Variants in GALNT13 observed in about 807,000 individuals in gnomAD.
GALNT13 encodes UDP-GalNAc:polypeptide N-acetylgalactosaminyltransferase 13.
In GALNT13, 28 loss-of-function variants were observed where a neutral mutation model predicts 64.2. The ratio of observed to expected loss-of-function variants is 0.44; its 90% CI spans 0.32 to 0.60. The LOEUF (loss-of-function observed/expected upper bound fraction) is 0.60. GALNT13 is among the 20% of genes least tolerant of loss of function. GALNT13 has a pLI of 0.05. For synonymous variants in GALNT13, 214 were observed against 224.6 expected (o/e 0.95, Z 0.42); for missense variants, 577 against 669.8 (o/e 0.86, Z 1.53).
At chr2:153,988,221 G>A (rs7584713) in intron 3 of GALNT13, among the ~76,000 whole-genome samples, 27,943 of 151,560 alleles carry the variant, frequency 0.18, 4,769 homozygotes, top group East Asian at 0.76. Flanking sequence ...TATACTGTAC[G>A]TTGTCATTGA....
chr2:153,294,677 G>T, the GALNT13 span, among the ~76,000 whole-genome samples: 10 of 152,144 alleles, frequency 6.6e-5, no homozygotes, highest in African/African-American at 2.4e-4. Flanking sequence ...GATATTTTCT[G>T]TTGGTGGATG....
chr2:153,795,338 G>A, the GALNT13 span, among the ~76,000 whole-genome samples: 1 of 152,234 alleles, frequency 6.6e-6, no homozygotes, highest in South Asian at 2.1e-4. Flanking sequence ...CCTTGACTAA[G>A]GTAGTGGAAA....
intron 3 of GALNT13, among the ~76,000 whole-genome samples, chr2:153,985,966 CTT>C (rs1694770144): frequency 6.6e-6 from 1 of 151,996 alleles, no homozygotes; most frequent in Non-Finnish European, 1.5e-5. Flanking sequence ...CACTTTTGTC[CTT>C]TTGTGGTAGT....
At chr2:153,442,780 G>C in the GALNT13 span, among the ~76,000 whole-genome samples, 1 of 152,156 alleles carries the variant, frequency 6.6e-6, no homozygotes, top group Non-Finnish European at 1.5e-5. Context: ...TCTGACTACA[G>C]CGGTTTTGCT....
At chr2:154,145,094 ATCTATC>A (rs1404991909) in intron 4 of GALNT13, among the ~76,000 whole-genome samples, 3,785 of 124,278 alleles carry the variant, frequency 0.03, 83 homozygotes, top group South Asian at 0.076. Flanking sequence ...CTATCTATCT[ATCTATC>A]TATATATATA....
At chr2:153,549,777 A>G in the GALNT13 span, among the ~76,000 whole-genome samples, 1 of 146,234 alleles carries the variant, frequency 6.8e-6, no homozygotes, top group Non-Finnish European at 1.5e-5. Context: ...GTAAGGTCCT[A>G]TTTAGTGGAC....
the GALNT13 span, among the ~76,000 whole-genome samples, chr2:153,245,238 G>A: frequency 2.6e-5 from 4 of 152,252 alleles, no homozygotes; most frequent in South Asian, 2.1e-4. Flanking sequence ...TCTGAAGAGA[G>A]CAGCTGATCC....
the GALNT13 span, among the ~76,000 whole-genome samples, chr2:153,093,145 G>C: frequency 5.3e-5 from 8 of 151,162 alleles, no homozygotes; most frequent in Admixed American, 4.6e-4. Context: ...CTTGTATAGT[G>C]TACCACATTG....
the GALNT13 span, among the ~76,000 whole-genome samples, chr2:153,684,876 C>T: frequency 6.6e-6 from 1 of 151,794 alleles, no homozygotes; most frequent in Non-Finnish European, 1.5e-5. Context: ...CATAATTTGG[C>T]TCCCAATTGT....
intron 3 of GALNT13, among the ~76,000 whole-genome samples, chr2:153,958,131 G>A (rs1464779992): frequency 6.6e-6 from 1 of 152,216 alleles, no homozygotes; most frequent in African/African-American, 2.4e-5. Flanking sequence ...GGGGCAGCAA[G>A]GGGTATAGGC....
intron 3 of GALNT13, among the ~76,000 whole-genome samples, chr2:154,097,654 G>A (rs13008698): frequency 0.24 from 35,941 of 151,378 alleles, 4,611 homozygotes; most frequent in Non-Finnish European, 0.28. Context: ...ATAACCATTA[G>A]ACTCTGAAAG....
intron 9 of GALNT13, among the ~76,000 whole-genome samples, chr2:154,363,643 G>A (rs1291916905): frequency 6.6e-6 from 1 of 152,146 alleles, no homozygotes; most frequent in East Asian, 1.9e-4. Flanking sequence ...GTAAATGTGG[G>A]CAAATTCTTT....
chr2:153,186,234 A>G, the GALNT13 span, among the ~76,000 whole-genome samples: 1 of 152,002 alleles, frequency 6.6e-6, no homozygotes, highest in Admixed American at 6.6e-5. Flanking sequence ...TCTTTTGTTT[A>G]TCTTTGTTGT....
rs534550489 is a variant in GALNT13, at chr2:154,295,723, A to T, written c.976-5686A>T. 3.9e-5 allele frequency among the ~76,000 whole-genome samples: 6 copies of T among 152,182 alleles called. No individual in the cohort carries two copies. In the East Asian group the frequency reaches 1.2e-3, roughly 30 times the overall value. ...GTAAAGCCTTGATTTTTGTAGGCAC[A>T]CATAGCTCACATTCTCTTCTCTCCC... On this transcript the variant is annotated intron_variant, in intron 8 of 12. Coordinates refer to ENST00000392825, the MANE Select transcript of GALNT13 (RefSeq NM_052917.4).
the GALNT13 span, among the ~76,000 whole-genome samples, chr2:153,768,788 C>A: frequency 2.6e-5 from 4 of 152,124 alleles, no homozygotes; most frequent in African/African-American, 9.7e-5. Flanking sequence ...ATGGTGTGAA[C>A]CCAGGAGGCG....
At chr2:153,747,103 A>G in the GALNT13 span, among the ~76,000 whole-genome samples, 14 of 152,040 alleles carry the variant, frequency 9.2e-5, no homozygotes, top group Non-Finnish European at 1.5e-5. Flanking sequence ...AGGTATATAT[A>G]TTTATGGGAT....
chr2:153,947,851 T>A (rs1459721274), intron 3 of GALNT13, among the ~76,000 whole-genome samples: 1 of 152,090 alleles, frequency 6.6e-6, no homozygotes, highest in Non-Finnish European at 1.5e-5. Context: ...CTTGAGTTAA[T>A]TTTCCATATA....
At chr2:153,739,555 T>G in the GALNT13 span, among the ~76,000 whole-genome samples, 2 of 88,232 alleles carry the variant, frequency 2.3e-5, no homozygotes, top group South Asian at 6.2e-4. Context: ...TATTTTTATT[T>G]ATTTATTATT....
At chr2:154,174,860 A>G (rs770378099) in intron 4 of GALNT13, among the ~76,000 whole-genome samples, 2 of 152,112 alleles carry the variant, frequency 1.3e-5, no homozygotes, top group Non-Finnish European at 2.9e-5. Flanking sequence ...CATGTCTATT[A>G]TAATAATAAA....
Sources: gnomAD v4.1 joint callset for allele counts (sites outside exome capture counted in the v4.1 genomes callset) on GRCh38, gnomAD v4.1.1 for gene constraint, MANE v1.5 for transcripts, NCBI Gene and HGNC (gene_info 2026-07-23, HGNC 2026-07-21) for gene names.